CREBRF: variants seen among roughly 807,000 people sequenced by gnomAD.
CREBRF encodes the protein UPF0474 protein C5orf41.
Under a neutral mutation model 66.1 loss-of-function variants are expected in CREBRF, and 5 were observed. The observed-to-expected ratio is 0.08, with a 90% confidence interval of 0.04 to 0.16. The LOEUF (loss-of-function observed/expected upper bound fraction) is 0.16, where lower values mean the gene tolerates loss of function less well. Ranked by LOEUF, CREBRF falls within the 10% of genes least tolerant of loss-of-function variation. The probability of loss-of-function intolerance (pLI) is 1.00; values close to 1 mark genes in which losing one functional copy is unlikely to be tolerated. For missense variants in CREBRF, 531 were observed against 744.9 expected (o/e 0.71, Z 3.34); for synonymous variants, 229 against 264.4 (o/e 0.87, Z 1.30).
chr5:173,061,258 A>T (rs1757263418), intron 1 of CREBRF, among the ~76,000 whole-genome samples: 1 of 152,170 alleles, frequency 6.6e-6, no homozygotes, highest in African/African-American at 2.4e-5. Flanking sequence ...GAACCACCAC[A>T]TCTGGCCCAG....
chr5:173,085,119 T>C (rs1281400092), intron 2 of CREBRF, among the ~76,000 whole-genome samples: 2 of 151,864 alleles, frequency 1.3e-5, no homozygotes, highest in Non-Finnish European at 2.9e-5. Flanking sequence ...ATTTTCGTAT[T>C]TTTAGTAGAG....
At chr5:173,079,974 C>T (rs962109895) in intron 1 of CREBRF, among the ~76,000 whole-genome samples, 5 of 152,180 alleles carry the variant, frequency 3.3e-5, no homozygotes, top group Admixed American at 2.6e-4. Context: ...TCCTCAGGCC[C>T]GTTTTCCCTC....
At chr5:173,058,518 C>T (rs987624438) in intron 1 of CREBRF, among the ~76,000 whole-genome samples, 2 of 151,316 alleles carry the variant, frequency 1.3e-5, no homozygotes, top group African/African-American at 2.4e-5. Context: ...GAGTCTCGCT[C>T]TGTCGCCCAG....
At chr5:173,107,344 C>T (rs17662639) in intron 4 of CREBRF, among the ~76,000 whole-genome samples, 14,200 of 152,104 alleles carry the variant, frequency 0.093, 780 homozygotes, top group South Asian at 0.16. Flanking sequence ...ATGTACCTAG[C>T]GTTAATGATC....
chr5:173,109,013 C>G (rs1165727779), intron 5 of CREBRF, 195 bp downstream of exon 5: 1 of 543,714 alleles, frequency 1.8e-6, no homozygotes, highest in Non-Finnish European at 3.2e-6. Flanking sequence ...GAGTCCTCAC[C>G]TAAGTGGAGA....
Position 173,102,191 on chromosome 5 carries a change from C to A in CREBRF, c.1223-6433C>A, listed in dbSNP as rs1331685885. Among the ~76,000 whole-genome samples the A allele has an allele frequency of 2.6e-5, 4 of 152,136 alleles. No individual in the cohort carries two copies. In the East Asian group the frequency reaches 5.8e-4, roughly 22 times the overall value. On this transcript the variant is annotated intron_variant, in intron 4 of 8. Coordinates refer to ENST00000296953, the MANE Select transcript of CREBRF (RefSeq NM_153607.3). Reference sequence around the variant, plus strand: ...TTCTTTAAGACAATTATTTTGAATTCTTTGTTAGGAAGTTCATAGATCTGC... The same window carrying A: ...TTCTTTAAGACAATTATTTTGAATTATTTGTTAGGAAGTTCATAGATCTGC...
intron 7 of CREBRF, among the ~76,000 whole-genome samples, chr5:173,117,014 A>C (rs1233133052): frequency 6.6e-6 from 1 of 152,028 alleles, no homozygotes; most frequent in East Asian, 1.9e-4. Flanking sequence ...TTGGCTGTTC[A>C]TATGTTTTCT....
At chr5:173,083,105 G>C (rs1157642228) in intron 2 of CREBRF, among the ~76,000 whole-genome samples, 1 of 151,706 alleles carries the variant, frequency 6.6e-6, no homozygotes, top group African/African-American at 2.4e-5. Flanking sequence ...GTGCCTGCCT[G>C]TAGTCCCAGC....
chr5:173,078,174 A>G (rs1387332103), intron 1 of CREBRF, among the ~76,000 whole-genome samples: 1 of 152,234 alleles, frequency 6.6e-6, no homozygotes, highest in Non-Finnish European at 1.5e-5. Flanking sequence ...CCTACCAGCA[A>G]ATGCACAAGG....
intron 4 of CREBRF, among the ~76,000 whole-genome samples, chr5:173,095,018 A>G (rs1013807200): frequency 2.0e-5 from 3 of 152,046 alleles, no homozygotes; most frequent in Non-Finnish European, 4.4e-5. Flanking sequence ...CAGTTTTCCC[A>G]TAACCATTTA....
chr5:173,076,764 AAAAAG>A lies in CREBRF; in HGVS notation c.-191-3819_-191-3815del, dbSNP rs1338636350. Among the ~76,000 whole-genome samples the A allele has an allele frequency of 2.0e-5, 3 of 151,678 alleles. No homozygotes were observed. In the East Asian group the frequency reaches 5.8e-4, roughly 29 times the overall value. The stretch of plus-strand genomic sequence containing the variant: ...CAGTCAGTCTCAAAAAAAAAAAAAA[AAAAAG>A]AGAGTGTTTAGAACAGTTTCTGCCT... On this transcript the variant is annotated intron_variant, in intron 1 of 8. Coordinates refer to ENST00000296953, the MANE Select transcript of CREBRF (RefSeq NM_153607.3).
At chr5:173,077,643 T>C (rs1346101606) in intron 1 of CREBRF, among the ~76,000 whole-genome samples, 1 of 152,136 alleles carries the variant, frequency 6.6e-6, no homozygotes, top group Non-Finnish European at 1.5e-5. Flanking sequence ...CCCACCTGCC[T>C]CAGCCTCTCA....
intron 8 of CREBRF, chr5:173,123,419 ATTTT>A (rs1238788307): frequency 2.3e-6 from 1 of 431,908 alleles, no homozygotes; most frequent in Non-Finnish European, 4.1e-6. Context: ...TCATGAAACT[ATTTT>A]AACATTTAAG....
intron 4 of CREBRF, 62 bp downstream of exon 4, chr5:173,091,463 G>GT: frequency 6.5e-7 from 1 of 1,548,398 alleles, no homozygotes; most frequent in East Asian, 2.3e-5. Context: ...AAATAGAAAG[G>GT]TTTTTGTTTC....
chr5:173,116,653 T>G (rs1758997576), intron 7 of CREBRF, among the ~76,000 whole-genome samples: 1 of 151,944 alleles, frequency 6.6e-6, no homozygotes, highest in Non-Finnish European at 1.5e-5. Context: ...TTAGGTTGTT[T>G]CAAGTTTTTG....
chr5:173,069,823 G>C (rs1290062404), intron 1 of CREBRF, among the ~76,000 whole-genome samples: 2 of 152,048 alleles, frequency 1.3e-5, no homozygotes, highest in Admixed American at 6.6e-5. Context: ...CTGCTTCACA[G>C]TAGGAAGGAA....
At chr5:173,077,538 G>A (rs1332227093) in intron 1 of CREBRF, among the ~76,000 whole-genome samples, 1 of 151,810 alleles carries the variant, frequency 6.6e-6, no homozygotes, top group African/African-American at 2.4e-5. Flanking sequence ...GACTACAGCC[G>A]TGAGCCACCA....
chr5:173,073,073 A>G (rs1049188116), intron 1 of CREBRF, among the ~76,000 whole-genome samples: 6 of 152,248 alleles, frequency 3.9e-5, no homozygotes, highest in African/African-American at 1.4e-4. Flanking sequence ...GAATGTGAAC[A>G]TGGAGATATC....
intron 1 of CREBRF, among the ~76,000 whole-genome samples, chr5:173,064,929 G>A (rs1039249037): frequency 6.6e-6 from 1 of 151,780 alleles, no homozygotes; most frequent in East Asian, 1.9e-4. Context: ...GGCTGGTCTT[G>A]AACTCCTGAA....
Sources: gnomAD v4.1 joint callset for allele counts (sites outside exome capture counted in the v4.1 genomes callset) on GRCh38, gnomAD v4.1.1 for gene constraint, MANE v1.5 for transcripts, NCBI Gene and HGNC (gene_info 2026-07-23, HGNC 2026-07-21) for gene names.